SEPTIN11: variants seen among roughly 807,000 people sequenced by gnomAD.
The protein encoded by SEPTIN11 is septin 11.
Under a neutral mutation model 51.4 loss-of-function variants are expected in SEPTIN11, and 25 were observed. The observed-to-expected ratio is 0.49, with a 90% CI of 0.35 to 0.68. SEPTIN11 has a LOEUF of 0.68. Among genes scored for constraint, SEPTIN11 ranks in the 30% least tolerant of loss-of-function variants. The pLI is 0.00. For synonymous variants in SEPTIN11, 174 were observed against 184.1 expected (o/e 0.95, Z 0.44); for missense variants, 381 against 520.8 (o/e 0.73, Z 2.61).
In SEPTIN11 at chr4:77,037,839, A is replaced by G. The variant is rs759301530; in HGVS notation, c.*3327A>G. 7.1e-6 allele frequency: 7 copies of G among 985,870 alleles called. No homozygotes were observed. The highest frequency in any genetic ancestry group is 8.4e-6 in the Non-Finnish European group (7 of 829,930). 61.1% of individuals were successfully genotyped at this position (985,870 alleles called of 1,614,324 possible). On this transcript the variant is annotated 3_prime_UTR_variant, in exon 10 of 10. Coordinates refer to ENST00000264893, the MANE Select transcript of SEPTIN11 (RefSeq NM_018243.4). The stretch of plus-strand genomic sequence containing the variant: ...CAAAAAGGGCATTTCAACAATGGGA[A>G]TTATTTAATGTAACAGTGGGCACAG...
rs148839924 is a variant in SEPTIN11 at position 77,003,905 on chromosome 4, A to T, written c.143-1696A>T. Among the ~76,000 whole-genome samples, 548 of 152,318 alleles carry T rather than the reference A, an allele frequency of 3.6e-3. 4 individuals carry two copies. Among genetic ancestry groups the T allele is most frequent in the African/African-American group, 0.013 (528 of 41,570 alleles). On this transcript the variant is annotated intron_variant, in intron 2 of 9. Coordinates refer to ENST00000264893, the MANE Select transcript of SEPTIN11 (RefSeq NM_018243.4). ...CTAGGAACATATTGGGATTAGAAGT[A>T]GTTGAAAGGGCTGTTCTATATTGGC...
intron 7 of SEPTIN11, among the ~76,000 whole-genome samples, chr4:77,027,373 T>G (rs1726239914): frequency 6.6e-6 from 1 of 152,190 alleles, no homozygotes; most frequent in Non-Finnish European, 1.5e-5. Context: ...TGACCTCAGG[T>G]GATCCTCCTG....
intron 2 of SEPTIN11, among the ~76,000 whole-genome samples, chr4:77,005,063 T>C (rs1724388611): frequency 6.6e-6 from 1 of 152,210 alleles, no homozygotes; most frequent in African/African-American, 2.4e-5. Flanking sequence ...CACTCAGTGA[T>C]GTTAGTGATT....
Position 76,996,407 on chromosome 4 carries a change from TCTCCCCTG to T in SEPTIN11, c.28-17_28-10del. ...CATGGTTCATGGACACTCAAATCTT[TCTCCCCTG>T]AAATTGCAGAATGAAGAGCTTCGAA... On this transcript the variant is annotated splice_polypyrimidine_tract_variant and intron_variant, in intron 1 of 9. Coordinates refer to ENST00000264893, the MANE Select transcript of SEPTIN11 (RefSeq NM_018243.4). The T allele has an allele frequency of 1.3e-6, 2 of 1,571,966 alleles. No individual in the cohort carries two copies. Among genetic ancestry groups the T allele is most frequent in the African/African-American group, 1.3e-5 (1 of 74,254 alleles).
In SEPTIN11 at chr4:77,005,815, G is replaced by T. The variant is rs749697982; in HGVS notation, c.338+19G>T. ...ATGACAGGTACATCTTGGGATTTTG[G>T]GGGGACATGAATGGATGAGGAGATA... On this transcript the variant is annotated intron_variant, in intron 3 of 9. Coordinates refer to ENST00000264893, the MANE Select transcript of SEPTIN11 (RefSeq NM_018243.4). The T allele has an allele frequency of 6.2e-6, 10 of 1,608,610 alleles. No individual in the cohort carries two copies. Among genetic ancestry groups the T allele is most frequent in the South Asian group, 4.4e-5 (4 of 90,480 alleles).
rs1287839915 is a variant in SEPTIN11, at chr4:77,036,339, G to A, written c.*1827G>A. The A allele has an allele frequency of 9.6e-7, 1 of 1,040,594 alleles. No homozygotes were observed. The highest frequency in any genetic ancestry group is 1.2e-6 in the Non-Finnish European group (1 of 863,932). 64.5% of individuals were successfully genotyped at this position (1,040,594 alleles called of 1,614,324 possible). A position where few individuals can be genotyped will look rare whatever the true frequency, so the allele number is the denominator to read the frequency against. ...GGAGCAGCCAAATAGTAGCTGGCAT[G>A]TTGATTCAAACCATGGGCTGAATTT... is the stretch of plus-strand genomic sequence containing the variant. On this transcript the variant is annotated 3_prime_UTR_variant, in exon 10 of 10. Transcript: ENST00000264893.
At chr4:76,974,347 A>C (rs1449784012) in intron 1 of SEPTIN11, 4 of 159,008 alleles carry the variant, frequency 2.5e-5, no homozygotes, top group Non-Finnish European at 5.5e-5. Context: ...ACACTCTGCC[A>C]ATCCCTGTAC....
intron 7 of SEPTIN11, among the ~76,000 whole-genome samples, chr4:77,025,391 A>T (rs867465326): frequency 6.6e-6 from 1 of 152,042 alleles, no homozygotes; most frequent in African/African-American, 2.4e-5. Context: ...TTTAAAAAAA[A>T]TTAGCTGGGC....
chr4:76,950,443 C>G (rs904044), intron 1 of SEPTIN11, among the ~76,000 whole-genome samples: 2 of 152,342 alleles, frequency 1.3e-5, no homozygotes, highest in African/African-American at 4.8e-5. Flanking sequence ...CGGACACCCT[C>G]GGGCATCCAC....
intron 1 of SEPTIN11, among the ~76,000 whole-genome samples, chr4:76,954,275 A>T (rs1721468442): frequency 6.6e-6 from 1 of 152,184 alleles, no homozygotes; most frequent in Non-Finnish European, 1.5e-5. Flanking sequence ...AGGACTCTAA[A>T]TTTGGTTGGG....
chr4:76,996,050 C>T (rs1398719143), intron 1 of SEPTIN11: 10 of 1,023,200 alleles, frequency 9.8e-6, no homozygotes, highest in Non-Finnish European at 1.4e-5. Flanking sequence ...TATGAGTTGA[C>T]AGTAAATTGA....
At chr4:77,011,602 A>G in intron 3 of SEPTIN11, 133 bp from the exon 4 acceptor site, 1 of 716,996 alleles carries the variant, frequency 1.4e-6, no homozygotes, top group Non-Finnish European at 2.3e-6. Context: ...GGATCAGGTG[A>G]TGGAAGGCCT....
chr4:76,950,079 G>A, intron 1 of SEPTIN11, 149 bp downstream of exon 1: 1 of 808,490 alleles, frequency 1.2e-6, no homozygotes, highest in Non-Finnish European at 1.7e-6. Context: ...ATTTGGGCGC[G>A]CGTCTGGGGT....
intron 3 of SEPTIN11, among the ~76,000 whole-genome samples, chr4:77,011,492 GAC>G (rs1199839270): frequency 1.5e-5 from 2 of 137,638 alleles, no homozygotes; most frequent in South Asian, 2.6e-4. Context: ...CGTGAGCAAA[GAC>G]ACAGAGGAAA....
chr4:77,008,863 A>T (rs913477072), intron 3 of SEPTIN11, among the ~76,000 whole-genome samples: 2 of 152,228 alleles, frequency 1.3e-5, no homozygotes, highest in African/African-American at 4.8e-5. Flanking sequence ...TGGCAAAAAA[A>T]ATATAAATAA....
chr4:76,949,904 A>ATGGCCG lies in SEPTIN11; in HGVS notation c.11_16dup (p.Ala4_Val5dup), dbSNP rs754909215. On this transcript the variant is annotated inframe_insertion, in exon 1 of 10. Transcript: ENST00000264893. The stretch of plus-strand genomic sequence containing the variant: ...AGCCGGAGCCGGTGCCGCAGCTGCG[A>ATGGCCG]TGGCCGTGGCCGTGGGGAGACCGTC... The ATGGCCG allele has an allele frequency of 4.6e-5, 71 of 1,531,902 alleles. No homozygotes were observed. The South Asian group carries it at 6.3e-4, about 14-fold the overall frequency. The allele number at this position is 1,531,902 out of a possible 1,614,324, so 94.9% of individuals were successfully genotyped here.
At chr4:76,998,629 C>T (rs1215473814) in intron 2 of SEPTIN11, among the ~76,000 whole-genome samples, 1 of 152,190 alleles carries the variant, frequency 6.6e-6, no homozygotes, top group African/African-American at 2.4e-5. Flanking sequence ...CCAACACACA[C>T]TGAAAAGCTA....
intron 1 of SEPTIN11, among the ~76,000 whole-genome samples, chr4:76,956,455 G>A (rs548016327): frequency 5.9e-5 from 9 of 152,272 alleles, no homozygotes; most frequent in East Asian, 1.9e-4. Flanking sequence ...ATTATGTTGC[G>A]GTAACAAATT....
chr4:77,030,415 C>T (rs1262524739), intron 8 of SEPTIN11, among the ~76,000 whole-genome samples: 1 of 151,998 alleles, frequency 6.6e-6, no homozygotes, highest in Non-Finnish European at 1.5e-5. Context: ...CTTTTATTTT[C>T]TTTTGAGACG....
Sources: gnomAD v4.1 joint callset for allele counts (sites outside exome capture counted in the v4.1 genomes callset) on GRCh38, gnomAD v4.1.1 for gene constraint, MANE v1.5 for transcripts, NCBI Gene and HGNC (gene_info 2026-07-23, HGNC 2026-07-21) for gene names.